IGSF21: variants seen among roughly 807,000 people sequenced by gnomAD.
The protein encoded by IGSF21 is immunoglobulin superfamily member 21.
IGSF21 carries 28 observed loss-of-function variants against 46.8 expected under a neutral mutation model. The observed-to-expected ratio is 0.60, with a 90% CI of 0.44 to 0.82. The LOEUF is 0.82. Among genes scored for constraint, IGSF21 ranks in the 40% least tolerant of loss-of-function variants. IGSF21 has a pLI of 0.00. For missense variants in IGSF21, 624 were observed against 665.5 expected, an observed-to-expected ratio of 0.94 and a Z score of 0.69; for synonymous variants, 284 against 273.6, an observed-to-expected ratio of 1.04 and a Z score of -0.38.
chr1:18,353,102 C>T (rs1196888480), intron 4 of IGSF21, among the ~76,000 whole-genome samples: 1 of 152,058 alleles, frequency 6.6e-6, no homozygotes, highest in Non-Finnish European at 1.5e-5. Context: ...GTTTATCTCT[C>T]CTGTCACTGA....
intron 2 of IGSF21, among the ~76,000 whole-genome samples, chr1:18,250,086 A>ACTCC (rs2084824191): frequency 2.5e-5 from 1 of 39,586 alleles, no homozygotes; most frequent in African/African-American, 1.1e-4. Flanking sequence ...TCCATCCCCC[A>ACTCC]CTCCCTCCCT....
intron 1 of IGSF21, among the ~76,000 whole-genome samples, chr1:18,125,765 G>A (rs1286798489): frequency 6.6e-6 from 1 of 152,192 alleles, no homozygotes; most frequent in Admixed American, 6.5e-5. Flanking sequence ...AACAGATAAC[G>A]TAAGGAAGTA....
intron 4 of IGSF21, among the ~76,000 whole-genome samples, chr1:18,344,932 G>C (rs772660290): frequency 1.9e-4 from 29 of 152,212 alleles, no homozygotes; most frequent in Admixed American, 6.5e-5. Context: ...CAGGGGAAGC[G>C]AGGAGGCTGC....
At chr1:18,266,296 G>A (rs2084989294) in intron 2 of IGSF21, among the ~76,000 whole-genome samples, 1 of 152,172 alleles carries the variant, frequency 6.6e-6, no homozygotes, top group Non-Finnish European at 1.5e-5. Flanking sequence ...AGAGCCAGGA[G>A]CTGATCACAG....
chr1:18,256,221 C>T (rs190533130), intron 2 of IGSF21, among the ~76,000 whole-genome samples: 2 of 152,198 alleles, frequency 1.3e-5, no homozygotes, highest in African/African-American at 2.4e-5. Flanking sequence ...TTCCTACCCC[C>T]CTTTAGGCTG....
At chr1:18,273,140 G>A (rs1364047887) in intron 2 of IGSF21, among the ~76,000 whole-genome samples, 2 of 148,414 alleles carry the variant, frequency 1.3e-5, no homozygotes, top group African/African-American at 2.5e-5. Flanking sequence ...CCACCTCCTA[G>A]GTTCAAGCAG....
At chr1:18,174,400 G>A (rs1442391794) in intron 1 of IGSF21, among the ~76,000 whole-genome samples, 3 of 152,168 alleles carry the variant, frequency 2.0e-5, no homozygotes, top group Non-Finnish European at 4.4e-5. Context: ...TCTTCCCGCT[G>A]CTGATGAAAT....
At chr1:18,283,491 G>A (rs2085182567) in intron 2 of IGSF21, among the ~76,000 whole-genome samples, 1 of 152,214 alleles carries the variant, frequency 6.6e-6, no homozygotes, top group African/African-American at 2.4e-5. Context: ...AACTGCAAGA[G>A]CGGTTTCAGG....
intron 1 of IGSF21, among the ~76,000 whole-genome samples, chr1:18,121,058 A>G (rs1367261794): frequency 6.6e-6 from 1 of 152,100 alleles, no homozygotes; most frequent in East Asian, 1.9e-4. Context: ...ACTGGCTCCT[A>G]TCATGTGCAG....
intron 4 of IGSF21, among the ~76,000 whole-genome samples, chr1:18,349,733 A>G (rs1235231324): frequency 6.6e-6 from 1 of 152,122 alleles, no homozygotes; most frequent in Non-Finnish European, 1.5e-5. Flanking sequence ...GATCCCTAGA[A>G]AGTAGATCTT....
intron 1 of IGSF21, among the ~76,000 whole-genome samples, chr1:18,162,814 A>G (rs2086639686): frequency 6.6e-6 from 1 of 152,220 alleles, no homozygotes; most frequent in Non-Finnish European, 1.5e-5. Flanking sequence ...AAGCTGAGAT[A>G]TGAGACCGTA....
intron 4 of IGSF21, among the ~76,000 whole-genome samples, chr1:18,352,907 C>T (rs1003829849): frequency 6.6e-6 from 1 of 152,186 alleles, no homozygotes; most frequent in Non-Finnish European, 1.5e-5. Flanking sequence ...TGAACCCGCT[C>T]CACTCAGAAC....
intron 1 of IGSF21, among the ~76,000 whole-genome samples, chr1:18,108,608 TGA>T (rs918832908): frequency 2.0e-5 from 3 of 151,554 alleles, no homozygotes; most frequent in Non-Finnish European, 2.9e-5. Flanking sequence ...GGTGTGTGTG[TGA>T]GAGTGTGAGC....
chr1:18,169,642 G>T (rs930283702), intron 1 of IGSF21, among the ~76,000 whole-genome samples: 3 of 152,198 alleles, frequency 2.0e-5, no homozygotes, highest in African/African-American at 7.2e-5. Context: ...CCAGGGTAGG[G>T]AGTTCTCACT....
chr1:18,224,363 A>G (rs979913572), intron 1 of IGSF21, among the ~76,000 whole-genome samples: 3 of 152,046 alleles, frequency 2.0e-5, no homozygotes, highest in African/African-American at 4.8e-5. Context: ...TCTCTCCTCA[A>G]TACCCCTATG....
intron 1 of IGSF21, among the ~76,000 whole-genome samples, chr1:18,167,946 C>T (rs943125255): frequency 9.2e-5 from 14 of 152,172 alleles, no homozygotes; most frequent in Non-Finnish European, 1.8e-4. Context: ...CCCTGCTCCA[C>T]GTGCGCCACA....
rs1480169472 is a variant in IGSF21, at chr1:18,337,756, C to A, written c.424+2746C>A. Among the ~76,000 whole-genome samples, 1 of 152,204 alleles carries A rather than the reference C, an allele frequency of 6.6e-6. No individual in the cohort carries two copies. The highest frequency in any genetic ancestry group is 6.5e-5 in the Admixed American group (1 of 15,284). The stretch of plus-strand genomic sequence containing the variant: ...TAATGATGGCAATGCCCCACACTTG[C>A]CCAATCTGAGCAATTTCAGAGGGGC... On this transcript the variant is annotated intron_variant, in intron 4 of 9. Coordinates refer to ENST00000251296, the MANE Select transcript of IGSF21 (RefSeq NM_032880.5). The surrounding 1 kb of genome is among the most constrained non-coding windows in gnomAD (Gnocchi z 5.7).
rs1166104210 is a variant in IGSF21 at position 18,366,540 on chromosome 1, G to A, written c.1015+843G>A. 5.9e-5 allele frequency among the ~76,000 whole-genome samples: 9 copies of A among 152,174 alleles called. No individual in the cohort carries two copies. The East Asian group carries it at 1.7e-3, about 29-fold the overall frequency. ...AGCCCAGTGAGCTCAGAGGACAGTTGCTGCATAAGGGTTGCAAACCTGGGA... is the reference window on the plus strand; with the variant it reads ...AGCCCAGTGAGCTCAGAGGACAGTTACTGCATAAGGGTTGCAAACCTGGGA... On this transcript the variant is annotated intron_variant, in intron 6 of 9. Coordinates refer to ENST00000251296, the MANE Select transcript of IGSF21 (RefSeq NM_032880.5).
intron 1 of IGSF21, among the ~76,000 whole-genome samples, chr1:18,147,382 T>A (rs1412389159): frequency 6.6e-6 from 1 of 152,070 alleles, no homozygotes; most frequent in Non-Finnish European, 1.5e-5. Context: ...TTGTCCAGCC[T>A]ATGGGCCTTT....
Sources: allele counts gnomAD v4.1 joint callset (sites outside exome capture counted in the v4.1 genomes callset), GRCh38; gene constraint gnomAD v4.1.1; non-coding constraint Gnocchi (gnomAD v3.1); transcripts MANE v1.5; gene names NCBI Gene and HGNC (gene_info 2026-07-23, HGNC 2026-07-21).